Variants in ASCC1 observed in about 807,000 individuals in gnomAD.
The protein encoded by ASCC1 is ASC-1 complex subunit P50.
A neutral mutation model predicts 46.6 loss-of-function variants in ASCC1; 35 were observed. The observed-to-expected ratio is 0.75, with a 90% CI of 0.57 to 0.99. ASCC1 has a LOEUF of 0.99. Ranked by LOEUF, ASCC1 falls within the 50% of genes least tolerant of loss-of-function variation. The probability of loss-of-function intolerance (pLI) is 0.00; values close to 1 mark genes in which losing one functional copy is unlikely to be tolerated. For missense variants in ASCC1, 376 were observed against 428.7 expected (o/e 0.88, Z 1.09); for synonymous variants, 143 against 146.6 (o/e 0.98, Z 0.18).
In ASCC1 at chr10:72,097,508, A is replaced by C. The variant is rs1357128235; in HGVS notation, c.958-58T>G. The C allele has an allele frequency of 3.1e-5, 32 of 1,044,402 alleles. No individual in the cohort carries two copies. In the East Asian group the frequency reaches 7.8e-4, roughly 26 times the overall value. The allele number at this position is 1,044,402 out of a possible 1,614,324, so 64.7% of individuals were successfully genotyped here. The stretch of plus-strand genomic sequence containing the variant: ...ATTTAAAGTATAGATGAAAATATTA[A>C]ACATCAGATTATCTTGTAAAAACAC... On this transcript the variant is annotated intron_variant, in intron 9 of 9. Transcript: ENST00000672957.
chr10:72,205,760 C>T (rs1466678815), intron 3 of ASCC1, among the ~76,000 whole-genome samples: 1 of 152,082 alleles, frequency 6.6e-6, no homozygotes, highest in Admixed American at 6.6e-5. Flanking sequence ...CGCACCACTG[C>T]ATTCCAGCCT....
At chr10:72,186,325 A>C (rs1389595984) in intron 5 of ASCC1, among the ~76,000 whole-genome samples, 1 of 152,074 alleles carries the variant, frequency 6.6e-6, no homozygotes, top group Non-Finnish European at 1.5e-5. Flanking sequence ...GTATTCAAAA[A>C]ATTTATGAGC....
At position 72,193,995 on chromosome 10, in the gene ASCC1, C is replaced by A. The variant is rs369840847; in HGVS notation, c.489+2816G>T. The stretch of plus-strand genomic sequence containing the variant: ...GGCTACAGGTGCCCGCCACCACACC[C>A]GGCTAATTTTTTTTTTTTTTGTATT... On this transcript the variant is annotated intron_variant, in intron 5 of 9. Transcript: ENST00000672957. Among the ~76,000 whole-genome samples, 159 of 151,854 alleles carry A rather than the reference C, an allele frequency of 1.0e-3. 4 individuals carry two copies. The highest frequency in any genetic ancestry group is 3.2e-3 in the African/African-American group (133 of 41,468).
At chr10:72,110,793 AG>A (rs1458495005) in intron 9 of ASCC1, among the ~76,000 whole-genome samples, 1 of 152,268 alleles carries the variant, frequency 6.6e-6, no homozygotes, top group African/African-American at 2.4e-5. Flanking sequence ...TCTCAAAAAA[AG>A]CAAATCAGAT....
At chr10:72,167,534 C>G (rs562206098) in intron 5 of ASCC1, among the ~76,000 whole-genome samples, 1 of 151,670 alleles carries the variant, frequency 6.6e-6, no homozygotes, top group Non-Finnish European at 1.5e-5. Flanking sequence ...CTGCACAACT[C>G]TGTAAATTTA....
At chr10:72,110,538 T>C (rs1299914547) in intron 9 of ASCC1, among the ~76,000 whole-genome samples, 2 of 151,904 alleles carry the variant, frequency 1.3e-5, no homozygotes, top group Admixed American at 6.5e-5. Flanking sequence ...CCTGTAATCC[T>C]AGCACTTTGG....
At chr10:72,150,355 C>T (rs1401723351) in intron 7 of ASCC1, among the ~76,000 whole-genome samples, 1 of 152,074 alleles carries the variant, frequency 6.6e-6, no homozygotes, top group African/African-American at 2.4e-5. Flanking sequence ...ATAAGAAATC[C>T]TGCAGGAAAG....
chr10:72,153,008 A>C lies in ASCC1; in HGVS notation c.627-20T>G. On this transcript the variant is annotated intron_variant, in intron 6 of 9. Coordinates refer to ENST00000672957, the MANE Select transcript of ASCC1 (RefSeq NM_001198800.3). ...ATATCACTGCAAAGGAAAAAGCATT[A>C]AGATATCTATAACTGTTTAAGCTAA... 6.2e-7 allele frequency: 1 copy of C among 1,613,914 alleles called. No homozygotes were observed. Among genetic ancestry groups the C allele is most frequent in the Non-Finnish European group, 8.5e-7 (1 of 1,179,924 alleles).
intron 9 of ASCC1, among the ~76,000 whole-genome samples, chr10:72,111,702 T>G (rs1238092659): frequency 6.6e-6 from 1 of 152,016 alleles, no homozygotes; most frequent in Non-Finnish European, 1.5e-5. Flanking sequence ...AGTGCAATGG[T>G]GCGATCTTGG....
intron 7 of ASCC1, among the ~76,000 whole-genome samples, chr10:72,145,118 T>C (rs868243537): frequency 3.0e-4 from 46 of 152,352 alleles, no homozygotes; most frequent in African/African-American, 1.1e-3. Context: ...CTGCTGTCTT[T>C]GGCTTCTGTT....
chr10:72,110,782 G>A (rs944740574), intron 9 of ASCC1, among the ~76,000 whole-genome samples: 5 of 152,124 alleles, frequency 3.3e-5, no homozygotes, highest in Admixed American at 2.0e-4. Flanking sequence ...GCGAGACTCC[G>A]TCTCAAAAAA....
At chr10:72,098,582 G>T in intron 9 of ASCC1, among the ~76,000 whole-genome samples, 1 of 152,214 alleles carries the variant, frequency 6.6e-6, no homozygotes, top group East Asian at 1.9e-4. Flanking sequence ...TTTGCACATG[G>T]ACAAGTGACT....
intron 8 of ASCC1, among the ~76,000 whole-genome samples, chr10:72,128,524 T>C (rs944154805): frequency 3.3e-5 from 5 of 152,192 alleles, no homozygotes; most frequent in African/African-American, 1.2e-4. Flanking sequence ...TCTTCAAAGG[T>C]TCCTTATGTT....
rs202023983 is a variant in ASCC1, at chr10:72,097,347, A to G, written c.1061T>C (p.Ile354Thr). ...SFGNYASCGQ[I>T]DFS ...CCAAGATCCACCTCAGGAGAAGTCAATTTGTCCACAGGAAGCGTAGTTTCC... is the reference window on the plus strand; with the variant it reads ...CCAAGATCCACCTCAGGAGAAGTCAGTTTGTCCACAGGAAGCGTAGTTTCC... The change falls in exon 10 of 10, where the codon ATT becomes ACT. Residue 354 changes from isoleucine (I) to threonine (T), a missense_variant. By Grantham distance (89) the Ile-to-Thr change is moderately conservative. Coordinates refer to ENST00000672957, the MANE Select transcript of ASCC1 (RefSeq NM_001198800.3). The G allele has an allele frequency of 1.9e-6, 3 of 1,609,682 alleles. No individual in the cohort carries two copies. Among genetic ancestry groups the G allele is most frequent in the Non-Finnish European group, 1.7e-6 (2 of 1,176,000 alleles).
intron 7 of ASCC1, among the ~76,000 whole-genome samples, chr10:72,142,139 A>G (rs1847091715): frequency 6.6e-6 from 1 of 152,132 alleles, no homozygotes; most frequent in African/African-American, 2.4e-5. Context: ...ATCTATTTTT[A>G]TTTTTTGAAA....
At chr10:72,115,781 C>T (rs1843431120) in intron 9 of ASCC1, among the ~76,000 whole-genome samples, 1 of 152,152 alleles carries the variant, frequency 6.6e-6, no homozygotes, top group Admixed American at 6.5e-5. Context: ...GGGACGGTGG[C>T]AGGAAGAATG....
intron 1 of ASCC1, among the ~76,000 whole-genome samples, chr10:72,215,040 A>G (rs1363294085): frequency 6.6e-6 from 1 of 152,248 alleles, no homozygotes; most frequent in Non-Finnish European, 1.5e-5. Context: ...CGTACAGCTT[A>G]GATAGTCTTG....
intron 1 of ASCC1, chr10:72,215,649 T>G (rs1025860144): frequency 6.6e-6 from 1 of 151,966 alleles, no homozygotes; most frequent in Non-Finnish European, 1.5e-5. Flanking sequence ...AAGATGAAAG[T>G]CGGGCCCTCA....
chr10:72,096,696 C>T lies in ASCC1; in HGVS notation c.*638G>A, dbSNP rs747559135. The T allele has an allele frequency of 3.7e-5, 17 of 453,908 alleles. 1 individual carries two copies. The highest frequency in any genetic ancestry group is 7.8e-5 in the South Asian group (5 of 64,476). The allele number at this position is 453,908 out of a possible 1,614,324, so 28.1% of individuals were successfully genotyped here. A position where few individuals can be genotyped will look rare whatever the true frequency, so the allele number is the denominator to read the frequency against. On this transcript the variant is annotated 3_prime_UTR_variant, in exon 10 of 10. Transcript: ENST00000672957. ...ACTGATGGAGGAACAGAGTGTGGTA[C>T]GCACATGTAACGGAACATTCCATTA...
Sources: gnomAD v4.1 joint callset for allele counts (sites outside exome capture counted in the v4.1 genomes callset) on GRCh38, gnomAD v4.1.1 for gene constraint, MANE v1.5 for transcripts, NCBI Gene and HGNC (gene_info 2026-07-23, HGNC 2026-07-21) for gene names.